SLC27A6: variants seen among roughly 807,000 people sequenced by gnomAD.
SLC27A6 encodes the protein solute carrier family 27 member 6, also known as long-chain fatty acid transport protein 6.
SLC27A6 carries 74 observed loss-of-function variants against 63.9 expected under a neutral mutation model. The observed-to-expected ratio is 1.16, with a 90% CI of 0.96 to 1.40. SLC27A6 has a LOEUF of 1.40. Among genes scored for constraint, SLC27A6 ranks in the 40% most tolerant of loss-of-function variants. SLC27A6 has a pLI of 0.00. For synonymous variants in SLC27A6, 287 were observed against 260.8 expected (o/e 1.10, Z -0.97); for missense variants, 794 against 732.9 (o/e 1.08, Z -0.96).
intron 1 of SLC27A6, 122 bp from the exon 2 acceptor site, chr5:128,985,011 A>T: frequency 1.5e-6 from 1 of 682,098 alleles, no homozygotes; most frequent in Non-Finnish European, 2.5e-6. Context: ...CTTATCCAAC[A>T]TAAGAAGGAA....
intron 3 of SLC27A6, among the ~76,000 whole-genome samples, chr5:128,989,486 C>T (rs1750901214): frequency 4.6e-5 from 7 of 152,138 alleles, no homozygotes; most frequent in Admixed American, 2.0e-4. Flanking sequence ...GATCAATATC[C>T]ACCATAAATG....
At chr5:128,968,265 G>C (rs1749988754) in intron 1 of SLC27A6, among the ~76,000 whole-genome samples, 1 of 152,094 alleles carries the variant, frequency 6.6e-6, no homozygotes, top group South Asian at 2.1e-4. Flanking sequence ...AGAATCCTTT[G>C]GGTATATACC....
intron 4 of SLC27A6, among the ~76,000 whole-genome samples, chr5:129,002,258 C>G (rs1273237703): frequency 6.6e-6 from 1 of 152,198 alleles, no homozygotes; most frequent in Non-Finnish European, 1.5e-5. Context: ...AACATATAAG[C>G]ATCTGACAAA....
intron 4 of SLC27A6, among the ~76,000 whole-genome samples, chr5:129,000,070 G>T (rs986801343): frequency 2.0e-5 from 3 of 152,112 alleles, no homozygotes; most frequent in African/African-American, 7.2e-5. Flanking sequence ...TACAGCTGGT[G>T]CCCAAAGAAA....
intron 9 of SLC27A6, among the ~76,000 whole-genome samples, 187 bp from the exon 10 acceptor site, chr5:129,032,919 G>C (rs1752456572): frequency 6.6e-6 from 1 of 151,666 alleles, no homozygotes. Flanking sequence ...AAGTTTACAG[G>C]TAAATCAAAC....
intron 9 of SLC27A6, 92 bp downstream of exon 9, chr5:129,029,799 A>G: frequency 1.8e-6 from 2 of 1,095,676 alleles, no homozygotes; most frequent in Non-Finnish European, 2.7e-6. Context: ...TTTAGATAAC[A>G]TGTGAGTTAT....
At chr5:129,021,276 TG>T (rs1752068421) in intron 5 of SLC27A6, among the ~76,000 whole-genome samples, 1 of 151,626 alleles carries the variant, frequency 6.6e-6, no homozygotes, top group Non-Finnish European at 1.5e-5. Context: ...GGACCTCTTT[TG>T]GGGGCAAGGT....
intron 5 of SLC27A6, among the ~76,000 whole-genome samples, chr5:129,019,847 A>G (rs1312811342): frequency 3.3e-5 from 5 of 152,078 alleles, no homozygotes; most frequent in Non-Finnish European, 5.9e-5. Context: ...AACATAGACA[A>G]TGATCTGATG....
chr5:129,023,726 G>A lies in SLC27A6; in HGVS notation c.1255+16G>A, dbSNP rs1172146527. ...GTGAAAAAAGGTAAGACTTCTATTTGAAGACATCTCCTCAAGCAAAGTTTC... is the reference window on the plus strand; with the variant it reads ...GTGAAAAAAGGTAAGACTTCTATTTAAAGACATCTCCTCAAGCAAAGTTTC... On this transcript the variant is annotated intron_variant, in intron 6 of 9. Transcript: ENST00000262462. 3 of 1,553,308 alleles carry A rather than the reference G, an allele frequency of 1.9e-6. No individual in the cohort carries two copies. The highest frequency in any genetic ancestry group is 2.7e-5 in the African/African-American group (2 of 73,218).
At chr5:128,985,065 AG>A in intron 1 of SLC27A6, 67 bp from the exon 2 acceptor site, 1 of 1,130,454 alleles carries the variant, frequency 8.8e-7, no homozygotes, top group Middle Eastern at 2.9e-4. Context: ...AATACACAAA[AG>A]CAACTCCAAA....
intron 9 of SLC27A6, among the ~76,000 whole-genome samples, chr5:129,030,074 G>T (rs140705324): frequency 9.3e-4 from 142 of 152,058 alleles, no homozygotes; most frequent in Non-Finnish European, 1.6e-3. Context: ...CAAAGAGATG[G>T]CAAGATGTGT....
At chr5:128,973,382 A>G (rs1176222747) in intron 1 of SLC27A6, among the ~76,000 whole-genome samples, 1 of 152,164 alleles carries the variant, frequency 6.6e-6, no homozygotes, top group Non-Finnish European at 1.5e-5. Context: ...CCAGAGGTAG[A>G]GTCTACAGAG....
chr5:129,013,038 T>C (rs1264878792), intron 4 of SLC27A6, among the ~76,000 whole-genome samples: 5 of 152,018 alleles, frequency 3.3e-5, no homozygotes, highest in Admixed American at 1.3e-4. Flanking sequence ...TCTTTTGAAA[T>C]AATATTTTTA....
intron 4 of SLC27A6, among the ~76,000 whole-genome samples, chr5:128,999,359 T>TC (rs1184536936): frequency 6.6e-6 from 1 of 152,062 alleles, no homozygotes; most frequent in African/African-American, 2.4e-5. Flanking sequence ...GGCTTCAAAG[T>TC]CTCTTCATTG....
intron 5 of SLC27A6, 26 bp downstream of exon 5, chr5:129,016,105 A>C (rs1429615650): frequency 3.3e-6 from 5 of 1,523,330 alleles, no homozygotes; most frequent in Non-Finnish European, 4.4e-6. Context: ...TCCTTATTAA[A>C]GAAATACATC....
intron 2 of SLC27A6, among the ~76,000 whole-genome samples, chr5:128,986,192 T>C (rs1750780201): frequency 1.3e-5 from 2 of 152,092 alleles, no homozygotes; most frequent in Admixed American, 6.5e-5. Flanking sequence ...CATGCACCTG[T>C]AGTACCAGCT....
intron 4 of SLC27A6, among the ~76,000 whole-genome samples, chr5:128,996,880 G>A (rs186539271): frequency 2.0e-4 from 31 of 152,124 alleles, no homozygotes; most frequent in Admixed American, 3.9e-4. Flanking sequence ...CATTTGTTTC[G>A]CCAGTTACTT....
chr5:128,987,964 T>C (rs1267878525), intron 2 of SLC27A6, among the ~76,000 whole-genome samples: 1 of 152,042 alleles, frequency 6.6e-6, no homozygotes, highest in Non-Finnish European at 1.5e-5. Context: ...AATGGATAGA[T>C]GAGACTGGTC....
intron 7 of SLC27A6, among the ~76,000 whole-genome samples, chr5:129,027,617 G>T (rs971448522): frequency 6.6e-6 from 1 of 152,044 alleles, no homozygotes. Flanking sequence ...AAATGGTAGG[G>T]TTAAAACAGA....
Sources: allele counts gnomAD v4.1 joint callset (sites outside exome capture counted in the v4.1 genomes callset), GRCh38; gene constraint gnomAD v4.1.1; transcripts MANE v1.5; gene names NCBI Gene and HGNC (gene_info 2026-07-23, HGNC 2026-07-21).